The following TROAP variants were observed in gnomAD, a reference collection of about 807,000 sequenced individuals.
TROAP encodes the protein trophinin associated protein.
A neutral mutation model predicts 83.4 loss-of-function variants in TROAP; 62 were observed. That is an observed-to-expected ratio of 0.74 (90% CI 0.61 to 0.92). The LOEUF is 0.92. Among genes scored for constraint, TROAP ranks in the 40% least tolerant of loss-of-function variants. The pLI is 0.00. For synonymous variants in TROAP, 352 were observed against 386.4 expected, an observed-to-expected ratio of 0.91 and a Z score of 1.04; for missense variants, 876 against 985.1, an observed-to-expected ratio of 0.89 and a Z score of 1.48.
chr12:49,331,500 A>C, intron 14 of TROAP, 73 bp from the exon 15 acceptor site: 1 of 1,613,114 alleles, frequency 6.2e-7, no homozygotes, highest in Non-Finnish European at 8.5e-7. Flanking sequence ...GCTTCTTCAC[A>C]GAGAGGTCAG....
chr12:49,329,616 A>G lies in TROAP; in HGVS notation c.1164+162A>G. 4 of 1,003,958 alleles carry G rather than the reference A, an allele frequency of 4.0e-6. No homozygotes were observed. Among genetic ancestry groups the G allele is most frequent in the Non-Finnish European group, 4.4e-6 (3 of 683,702 alleles). 62.2% of individuals were successfully genotyped at this position (1,003,958 alleles called of 1,614,324 possible). A position where few individuals can be genotyped will look rare whatever the true frequency, so the allele number is the denominator to read the frequency against. ...TGAGGTAGGAGGATTGCTTGAGCTC[A>G]GATCTTTGAGACCAGCCTGGGCAAC... On this transcript the variant is annotated intron_variant, in intron 11 of 14. Coordinates refer to ENST00000257909, the MANE Select transcript of TROAP (RefSeq NM_005480.4). The surrounding 1 kb of genome is among the most constrained non-coding windows in gnomAD (Gnocchi z 4.5).
intron 13 of TROAP, 65 bp downstream of exon 13, chr12:49,331,008 C>T: frequency 3.2e-6 from 5 of 1,586,990 alleles, no homozygotes; most frequent in Non-Finnish European, 4.3e-6. Flanking sequence ...AGCTGCACAC[C>T]TGCCCTGCCC....
rs750531590 is a variant in TROAP at position 49,323,880 on chromosome 12, C to A, written c.180C>A (p.Arg60=). 1.9e-6 allele frequency: 3 copies of A among 1,613,948 alleles called. No homozygotes were observed. Among genetic ancestry groups the A allele is most frequent in the Admixed American group, 3.3e-5 (2 of 60,014 alleles). The change falls in exon 3 of 15, where the codon CGC becomes CGA. Residue 60 remains arginine, a synonymous_variant. Transcript: ENST00000257909. ...AGAAACCACCGCTCAATATTCAACG[C>A]CCCCTCGTTGATTCAGCAGGCCCCA... ...WVQKPPLNIQ[R]PLVDSAGPRP...
chr12:49,325,318 A>T (rs1315881531), intron 3 of TROAP, 183 bp from the exon 4 acceptor site: 2 of 570,932 alleles, frequency 3.5e-6, no homozygotes, highest in African/African-American at 1.9e-5. Context: ...GGCCTCCCAA[A>T]GTGCTGGGAT....
At position 49,330,186 on chromosome 12, in the gene TROAP, G is replaced by A. The variant is rs1266310006; in HGVS notation, c.1341G>A (p.Glu447=). The change falls in exon 13 of 15, where the codon GAG becomes GAA. Residue 447 remains glutamate (E), a synonymous_variant. Transcript: ENST00000257909. The stretch of plus-strand genomic sequence containing the variant: ...AACAGCTGTTGAGACAGGAAGTAGA[G>A]GGGCTGGTAGGGGGCCAGTGTGTCC... ...ILQQLLRQEV[E]GLVGGQCVPL... 5.0e-6 allele frequency: 8 copies of A among 1,613,870 alleles called. No individual in the cohort carries two copies. Among genetic ancestry groups the A allele is most frequent in the Non-Finnish European group, 6.8e-6 (8 of 1,179,924 alleles).
In TROAP at chr12:49,331,333, C is replaced by T. The variant is rs763692831; in HGVS notation, c.2218C>T (p.Arg740Ter). 1.7e-5 allele frequency: 28 copies of T among 1,614,062 alleles called. No homozygotes were observed. The South Asian group carries it at 2.4e-4, about 14-fold the overall frequency. Reference sequence around the variant, plus strand: ...CGATGAGTGTGCCTTTTACACCAGCCGAGCCCCTCCCTCAGGCCCCACCCG... The same window carrying T: ...CGATGAGTGTGCCTTTTACACCAGCTGAGCCCCTCCCTCAGGCCCCACCCG... The part of the protein sequence containing the change: ...LDDECAFYTS[R>*]APPSGPTRVC... Residue 740 changes from arginine to a stop codon, truncating the protein, a stop_gained, in exon 14 of 15, where the codon CGA becomes TGA. Transcript: ENST00000257909. LOFTEE classifies it high-confidence loss of function.
chr12:49,327,988 G>T (rs906936517), intron 8 of TROAP, among the ~76,000 whole-genome samples: 2 of 152,002 alleles, frequency 1.3e-5, no homozygotes, highest in Admixed American at 6.6e-5. Flanking sequence ...AGAGGTAAAG[G>T]CCCTGGGGAG....
Position 49,330,417 on chromosome 12 carries a change from G to C in TROAP, c.1572G>C (p.Glu524Asp). ...CTCCGGCAGAGCCTGGGCCCCCAGA[G>C]GCCTTCTGTAGGAGTGAGCCTGAGA... ...PCPPAEPGPP[E>D]AFCRSEPEIP... The change falls in exon 13 of 15, where the codon GAG becomes GAC. Residue 524 changes from glutamate (E) to aspartate (D), a missense_variant. Glu to Asp is a conservative substitution (Grantham distance 45). This residue lies in a region of TROAP where 689 missense variants were observed against 722.6 expected (regional missense o/e 0.95). Coordinates refer to ENST00000257909, the MANE Select transcript of TROAP (RefSeq NM_005480.4). The C allele has an allele frequency of 3.1e-6, 5 of 1,614,182 alleles. No individual in the cohort carries two copies. Among genetic ancestry groups the C allele is most frequent in the Non-Finnish European group, 4.2e-6 (5 of 1,180,006 alleles).
intron 13 of TROAP, 86 bp downstream of exon 13, chr12:49,331,029 C>T: frequency 6.4e-7 from 1 of 1,566,120 alleles, no homozygotes; most frequent in Non-Finnish European, 8.7e-7. Flanking sequence ...CTACCCCAGG[C>T]AATCTCATGC....
At chr12:49,331,487 T>G in intron 14 of TROAP, 80 bp downstream of exon 14, 5 of 1,611,650 alleles carry the variant, frequency 3.1e-6, no homozygotes, top group Non-Finnish European at 4.2e-6. Flanking sequence ...GGGGGCCACC[T>G]GGGCTTCTTC....
In TROAP at chr12:49,328,463, T is replaced by A. The variant is rs539203535; in HGVS notation, c.892-464T>A. On this transcript the variant is annotated intron_variant, in intron 8 of 14. Coordinates refer to ENST00000257909, the MANE Select transcript of TROAP (RefSeq NM_005480.4). ...GTCTCAAACTCCTGACCTCAGGTGC[T>A]CCACCCTCCTCGGCTTCCCGAAGTG... 3.9e-5 allele frequency among the ~76,000 whole-genome samples: 6 copies of A among 152,158 alleles called. No homozygotes were observed. In the South Asian group the frequency reaches 1.2e-3, roughly 32 times the overall value.
Position 49,330,345 on chromosome 12 carries a change from GC to G in TROAP, c.1502del (p.Pro501GlnfsTer56). On this transcript the variant is annotated frameshift_variant, in exon 13 of 15. Coordinates refer to ENST00000257909, the MANE Select transcript of TROAP (RefSeq NM_005480.4). LOFTEE classifies it high-confidence loss of function. ...CTGGACTGTTAAAACACTCAGGGCTGCCAAAGCCCTGTCTTCCAGAGGAGTG... is the reference window on the plus strand; with the variant it reads ...CTGGACTGTTAAAACACTCAGGGCTGCAAAGCCCTGTCTTCCAGAGGAGTG... ...LPGLLKHSGL[P>X]KPCLPEECGE... 2 of 1,614,130 alleles carry G rather than the reference GC, an allele frequency of 1.2e-6. No individual in the cohort carries two copies. The highest frequency in any genetic ancestry group is 1.7e-6 in the Non-Finnish European group (2 of 1,179,986).
At chr12:49,325,077 A>T (rs1943477123) in intron 3 of TROAP, among the ~76,000 whole-genome samples, 1 of 150,182 alleles carries the variant, frequency 6.7e-6, no homozygotes. Context: ...GGTCCAGCTA[A>T]TTTTTTTTTG....
At chr12:49,326,215 G>GTGTCTA in intron 6 of TROAP, 57 bp downstream of exon 6, 1 of 1,561,594 alleles carries the variant, frequency 6.4e-7, no homozygotes, top group Non-Finnish European at 8.8e-7. Flanking sequence ...ACCAGTGTCT[G>GTGTCTA]ATACAGGAGT....
At chr12:49,324,078 G>T in intron 3 of TROAP, 41 bp downstream of exon 3, 2 of 1,612,542 alleles carry the variant, frequency 1.2e-6, no homozygotes, top group Non-Finnish European at 1.7e-6. Context: ...CCATGGCTGA[G>T]TAGGGGACTA....
At chr12:49,326,304 C>A in intron 6 of TROAP, 146 bp downstream of exon 6, 2 of 803,010 alleles carry the variant, frequency 2.5e-6, no homozygotes, top group Non-Finnish European at 4.1e-6. Flanking sequence ...TGTGATTACC[C>A]GGGATGAGCC....
rs1943497677 is a variant in TROAP at position 49,326,148 on chromosome 12, G to A, written c.706G>A (p.Gly236Ser). 5.0e-6 allele frequency: 8 copies of A among 1,613,964 alleles called. No homozygotes were observed. The highest frequency in any genetic ancestry group is 1.7e-4 in the Middle Eastern group (1 of 5,930). Residue 236 changes from glycine (G) to serine (S), a missense_variant, in exon 6 of 15, where the codon GGC becomes AGC. Transcript: ENST00000257909. ...CCAGGAGCTAAGAAGGGAGACAGCT[G>A]GCAGCAGCCGGTGAGAAAGGAGAGG... ...SFQELRRETA[G>S]SSRTSVSQAS...
Position 49,329,703 on chromosome 12 carries a change from C to T in TROAP, c.1165-154C>T. 1 of 1,240,690 alleles carries T rather than the reference C, an allele frequency of 8.1e-7. No homozygotes were observed. The highest frequency in any genetic ancestry group is 1.1e-6 in the Non-Finnish European group (1 of 885,660). The allele number at this position is 1,240,690 out of a possible 1,614,324, so 76.9% of individuals were successfully genotyped here. ...TAGAAAGTGCTCTCTGGAAAAGCTGCCTAACTCTCACTGCTTCTCTGCTGC... is the reference window on the plus strand; with the variant it reads ...TAGAAAGTGCTCTCTGGAAAAGCTGTCTAACTCTCACTGCTTCTCTGCTGC... On this transcript the variant is annotated intron_variant, in intron 11 of 14. Coordinates refer to ENST00000257909, the MANE Select transcript of TROAP (RefSeq NM_005480.4). The surrounding 1 kb of genome is among the most constrained non-coding windows in gnomAD (Gnocchi z 4.5).
chr12:49,330,648 G>A lies in TROAP; in HGVS notation c.1803G>A (p.Glu601=). Residue 601 remains glutamate (E), a synonymous_variant, in exon 13 of 15, where the codon GAG becomes GAA. Coordinates refer to ENST00000257909, the MANE Select transcript of TROAP (RefSeq NM_005480.4). ...SYCRIEPEIP[E]SSRQEQLEVP... ...GTAGGATTGAGCCTGAGATACCGGA[G>A]TCCTCTCGCCAGGAACAGCTTGAGG... 6.2e-7 allele frequency: 1 copy of A among 1,614,004 alleles called. No individual in the cohort carries two copies. Among genetic ancestry groups the A allele is most frequent in the Non-Finnish European group, 8.5e-7 (1 of 1,179,984 alleles).
Sources: allele counts gnomAD v4.1 joint callset (sites outside exome capture counted in the v4.1 genomes callset), GRCh38; gene constraint gnomAD v4.1.1; regional missense constraint gnomAD v4.1.1; non-coding constraint Gnocchi (gnomAD v3.1); transcripts MANE v1.5; gene names NCBI Gene and HGNC (gene_info 2026-07-23, HGNC 2026-07-21).